Variants in TPD52L1 observed in about 807,000 individuals in gnomAD.
The protein encoded by TPD52L1 is TPD52 like 1.
TPD52L1 carries 18 observed loss-of-function variants against 28.7 expected under a neutral mutation model. The observed-to-expected ratio is 0.63, with a 90% CI of 0.43 to 0.93. The LOEUF (loss-of-function observed/expected upper bound fraction) is 0.93. Ranked by LOEUF, TPD52L1 falls within the 40% of genes least tolerant of loss-of-function variation. The probability of loss-of-function intolerance (pLI) is 0.00; values close to 1 mark genes in which losing one functional copy is unlikely to be tolerated. For missense variants in TPD52L1, 203 were observed against 254.8 expected (o/e 0.80, Z 1.39); for synonymous variants, 75 against 88.8 (o/e 0.84, Z 0.88).
intron 2 of TPD52L1, among the ~76,000 whole-genome samples, chr6:125,221,108 T>C (rs750232341): frequency 4.6e-5 from 7 of 152,218 alleles, no homozygotes; most frequent in Non-Finnish European, 8.8e-5. Flanking sequence ...AGCCTCCTGA[T>C]AGTGTTTGTC....
In TPD52L1 at chr6:125,194,023, G is replaced by GT. The variant is rs3040726; in HGVS notation, c.20-26035dup. Among the ~76,000 whole-genome samples, 800 of 123,996 alleles carry GT rather than the reference G, an allele frequency of 6.5e-3. 2 individuals are homozygous for GT. Among genetic ancestry groups the GT allele is most frequent in the South Asian group, 0.027 (103 of 3,806 alleles). 81.3% of individuals were successfully genotyped at this position (123,996 alleles called of 152,430 possible). ...ATTTTGTGGAAAAGTCTTCTGAATA[G>GT]TTTTTTTTTTTTTTTTTTTTCTAAA... On this transcript the variant is annotated intron_variant, in intron 1 of 6. Transcript: ENST00000534000.
At chr6:125,194,935 C>T (rs1582902775) in intron 1 of TPD52L1, among the ~76,000 whole-genome samples, 1 of 152,188 alleles carries the variant, frequency 6.6e-6, no homozygotes, top group African/African-American at 2.4e-5. Flanking sequence ...CACCTATAAA[C>T]ACCAGCTCCA....
At chr6:125,186,253 A>T (rs189946685) in intron 1 of TPD52L1, among the ~76,000 whole-genome samples, 199 of 152,288 alleles carry the variant, frequency 1.3e-3, no homozygotes, top group African/African-American at 4.6e-3. Flanking sequence ...AGAGTAAACG[A>T]TTTAGGCTTT....
intron 4 of TPD52L1, among the ~76,000 whole-genome samples, chr6:125,250,195 A>G (rs1987531685): frequency 1.3e-5 from 2 of 152,352 alleles, no homozygotes; most frequent in Admixed American, 6.5e-5. Flanking sequence ...CTCCAGCATG[A>G]CACTGCTAAC....
intron 3 of TPD52L1, among the ~76,000 whole-genome samples, chr6:125,237,212 G>T (rs907427389): frequency 1.8e-4 from 27 of 152,160 alleles, no homozygotes; most frequent in African/African-American, 5.8e-4. Context: ...TTTGAGCAGA[G>T]ACCTGCTCCA....
intron 1 of TPD52L1, chr6:125,154,286 A>C (rs1789964108): frequency 8.4e-7 from 1 of 1,187,822 alleles, no homozygotes; most frequent in Non-Finnish European, 1.0e-6. Context: ...TGCCCGAAGG[A>C]CCTGTTGTGC....
chr6:125,231,633 GT>G (rs869183310), intron 3 of TPD52L1, among the ~76,000 whole-genome samples: 7,343 of 143,528 alleles, frequency 0.051, 190 homozygotes, highest in East Asian at 0.093. Context: ...TGTTGTTGTT[GT>G]TTGTTTGTTT....
chr6:125,172,144 CTTTCTTTCTTTCTTTTCTTT>C (rs1791401279), intron 1 of TPD52L1, among the ~76,000 whole-genome samples: 2 of 60,582 alleles, frequency 3.3e-5, no homozygotes, highest in Non-Finnish European at 5.9e-5. Context: ...TTCTTTCTTT[CTTTCTTTCTTTCTTTTCTTT>C]CTTTCTTTCT....
At chr6:125,214,651 C>T (rs1794740659) in intron 1 of TPD52L1, among the ~76,000 whole-genome samples, 1 of 152,096 alleles carries the variant, frequency 6.6e-6, no homozygotes, top group African/African-American at 2.4e-5. Context: ...AAATATTAAC[C>T]TTTTCTTTGT....
At chr6:125,188,039 T>G (rs79282041) in intron 1 of TPD52L1, among the ~76,000 whole-genome samples, 2,143 of 152,282 alleles carry the variant, frequency 0.014, 40 homozygotes, top group African/African-American at 0.049. Context: ...TTTAGACGTT[T>G]CTATTGAGAA....
chr6:125,188,683 G>A (rs1362242625), intron 1 of TPD52L1, among the ~76,000 whole-genome samples: 6 of 151,980 alleles, frequency 3.9e-5, no homozygotes, highest in Admixed American at 3.9e-4. Context: ...AAAAAATACT[G>A]ATCACAGCAC....
chr6:125,216,529 G>GCA (rs1794898282), intron 1 of TPD52L1, among the ~76,000 whole-genome samples: 2 of 69,066 alleles, frequency 2.9e-5, no homozygotes, highest in Non-Finnish European at 4.8e-5. Context: ...GTATGTGTGT[G>GCA]TATATATATA....
At chr6:125,172,740 G>T (rs1285192669) in intron 1 of TPD52L1, among the ~76,000 whole-genome samples, 1 of 149,626 alleles carries the variant, frequency 6.7e-6, no homozygotes, top group African/African-American at 2.5e-5. Flanking sequence ...ATATTTTGCT[G>T]TTGGTCACTG....
At position 125,263,051 on chromosome 6, in the gene TPD52L1, C is replaced by T. The variant is rs1238317190; in HGVS notation, c.*89C>T. 1.7e-5 allele frequency: 24 copies of T among 1,432,128 alleles called. No individual in the cohort carries two copies. Among genetic ancestry groups the T allele is most frequent in the South Asian group, 2.9e-5 (2 of 68,976 alleles). The allele number at this position is 1,432,128 out of a possible 1,614,324, so 88.7% of individuals were successfully genotyped here. A position where few individuals can be genotyped will look rare whatever the true frequency, so the allele number is the denominator to read the frequency against. ...TATCCAGATAAGAAGACCAAAATCC[C>T]GCTGGGAAAAACCCAGGCCTTGACA... On this transcript the variant is annotated 3_prime_UTR_variant, in exon 7 of 7. Coordinates refer to ENST00000534000, the MANE Select transcript of TPD52L1 (RefSeq NM_003287.4).
chr6:125,248,476 T>C (rs1249826136), intron 4 of TPD52L1, 93 bp downstream of exon 4: 2 of 821,112 alleles, frequency 2.4e-6, no homozygotes, highest in African/African-American at 1.7e-5. Context: ...TCAACATATG[T>C]ATTTTTTTAT....
intron 6 of TPD52L1, chr6:125,262,048 G>A (rs1406314615): frequency 1.3e-5 from 2 of 152,286 alleles, no homozygotes; most frequent in African/African-American, 2.4e-5. Context: ...ATGGTGGCAG[G>A]AAGGAGAAGT....
intron 2 of TPD52L1, among the ~76,000 whole-genome samples, chr6:125,225,759 G>A (rs887581807): frequency 2.6e-5 from 4 of 152,110 alleles, no homozygotes; most frequent in South Asian, 2.1e-4. Context: ...AGTACTTACA[G>A]TTTAGAGTTT....
intron 1 of TPD52L1, among the ~76,000 whole-genome samples, chr6:125,206,826 A>G (rs1794180462): frequency 6.6e-6 from 1 of 152,084 alleles, no homozygotes; most frequent in Non-Finnish European, 1.5e-5. Flanking sequence ...TACAAGCAGG[A>G]AGATGAAATT....
intron 1 of TPD52L1, among the ~76,000 whole-genome samples, chr6:125,163,528 G>A (rs1790661191): frequency 6.6e-6 from 1 of 151,050 alleles, no homozygotes; most frequent in South Asian, 2.1e-4. Context: ...GTTGCAGTGA[G>A]CTATGATTGC....
Sources: allele counts gnomAD v4.1 joint callset (sites outside exome capture counted in the v4.1 genomes callset), GRCh38; gene constraint gnomAD v4.1.1; transcripts MANE v1.5; gene names NCBI Gene and HGNC (gene_info 2026-07-23, HGNC 2026-07-21).